Variants in AGBL4 observed in about 807,000 individuals in gnomAD.
The protein encoded by AGBL4 is AGBL carboxypeptidase 4.
Under a neutral mutation model 66.4 loss-of-function variants are expected in AGBL4, and 58 were observed. The observed-to-expected ratio is 0.87, with a 90% confidence interval of 0.71 to 1.09. The LOEUF is 1.09. Among genes scored for constraint, AGBL4 ranks in the 50% least tolerant of loss-of-function variants. The pLI is 0.00. For missense variants in AGBL4, 579 were observed against 631.0 expected (o/e 0.92, Z 0.88); for synonymous variants, 234 against 222.9 (o/e 1.05, Z -0.44).
Position 49,524,832 on chromosome 1 carries a change from A to G in AGBL4, c.282+172481T>C, listed in dbSNP as rs551232910. Among the ~76,000 whole-genome samples, 15 of 152,112 alleles carry G rather than the reference A, an allele frequency of 9.9e-5. No homozygotes were observed. The South Asian group carries it at 2.9e-3, about 29-fold the overall frequency. On this transcript the variant is annotated intron_variant, in intron 3 of 13. Transcript: ENST00000371839. ...CCTTATAACCACTGATATCACTCCTACTAATGCGTGAACCCCTTATGAATA... is the reference window on the plus strand; with the variant it reads ...CCTTATAACCACTGATATCACTCCTGCTAATGCGTGAACCCCTTATGAATA...
chr1:48,714,421 CCTTCTA>C (rs1428354048), intron 6 of AGBL4, among the ~76,000 whole-genome samples: 4 of 152,228 alleles, frequency 2.6e-5, no homozygotes, highest in Non-Finnish European at 4.4e-5. Flanking sequence ...CCTTTTCTCA[CCTTCTA>C]CTTCTAATCA....
At chr1:48,948,314 C>T (rs1277887546) in intron 5 of AGBL4, among the ~76,000 whole-genome samples, 1 of 152,216 alleles carries the variant, frequency 6.6e-6, no homozygotes, top group African/African-American at 2.4e-5. Flanking sequence ...TCTCCCTTTG[C>T]TCTTGCTTCC....
chr1:49,276,996 C>T (rs1281492449), intron 3 of AGBL4, among the ~76,000 whole-genome samples: 1 of 151,578 alleles, frequency 6.6e-6, no homozygotes, highest in Non-Finnish European at 1.5e-5. Flanking sequence ...AAAGGATATA[C>T]TATTTAATGT....
intron 6 of AGBL4, among the ~76,000 whole-genome samples, chr1:48,692,670 AGGTGATCCAGG>A (rs777797060): frequency 6.6e-6 from 1 of 152,192 alleles, no homozygotes; most frequent in Admixed American, 6.5e-5. Flanking sequence ...TTGTCTATAC[AGGTGATCCAGG>A]GGTGATCCAG....
intron 3 of AGBL4, among the ~76,000 whole-genome samples, chr1:49,316,070 C>T (rs924906979): frequency 2.0e-5 from 3 of 151,818 alleles, no homozygotes; most frequent in Admixed American, 6.6e-5. Context: ...AAAACTATGA[C>T]AGTAAGATCA....
chr1:49,400,513 A>T (rs1645062121), intron 3 of AGBL4, among the ~76,000 whole-genome samples: 1 of 152,170 alleles, frequency 6.6e-6, no homozygotes, highest in African/African-American at 2.4e-5. Context: ...CAATTCATAA[A>T]CATGGAATAT....
chr1:48,615,398 C>T (rs531040636), intron 9 of AGBL4, among the ~76,000 whole-genome samples: 1 of 152,092 alleles, frequency 6.6e-6, no homozygotes, highest in Non-Finnish European at 1.5e-5. Context: ...GCCTCCTCCC[C>T]ATAGGAGAGT....
intron 1 of AGBL4, among the ~76,000 whole-genome samples, chr1:49,862,972 G>C (rs1646611255): frequency 6.6e-6 from 1 of 152,002 alleles, no homozygotes. Context: ...AAAACTCAAT[G>C]GTAATAGTAA....
At chr1:48,990,021 C>T (rs1439199304) in intron 5 of AGBL4, among the ~76,000 whole-genome samples, 2 of 152,138 alleles carry the variant, frequency 1.3e-5, no homozygotes, top group African/African-American at 2.4e-5. Flanking sequence ...ATTCTCTGTT[C>T]TCCACATCCT....
chr1:50,014,769 C>T (rs1396366460), intron 1 of AGBL4, among the ~76,000 whole-genome samples: 1 of 152,046 alleles, frequency 6.6e-6, no homozygotes, highest in Non-Finnish European at 1.5e-5. Context: ...AGGTGATCCA[C>T]CTGCCTTGGC....
chr1:48,566,264 C>A (rs1167664694), intron 11 of AGBL4, among the ~76,000 whole-genome samples: 2 of 152,182 alleles, frequency 1.3e-5, no homozygotes, highest in African/African-American at 4.8e-5. Context: ...TTCATCATGA[C>A]CCACTCTTCA....
intron 1 of AGBL4, among the ~76,000 whole-genome samples, chr1:49,944,659 C>T (rs1259346008): frequency 6.6e-6 from 1 of 151,334 alleles, no homozygotes; most frequent in Non-Finnish European, 1.5e-5. Flanking sequence ...TCTTTAACAC[C>T]CAAAAAAAAA....
intron 3 of AGBL4, among the ~76,000 whole-genome samples, chr1:49,255,620 TAA>T (rs1194870875): frequency 1.3e-5 from 2 of 152,162 alleles, no homozygotes; most frequent in African/African-American, 4.8e-5. Flanking sequence ...CTCAAAAACC[TAA>T]AGACAGAAAT....
In AGBL4 at chr1:49,387,146, T is replaced by G. The variant is rs1318213781; in HGVS notation, c.283-141282A>C. 7.2e-5 allele frequency among the ~76,000 whole-genome samples: 11 copies of G among 151,918 alleles called. 1 individual carries two copies. The highest frequency in any genetic ancestry group is 1.2e-4 in the Non-Finnish European group (8 of 67,822). ...TGTGACCTTAGGCAAATAACTTGACTTTTTCAAGTTTCAGTTTTCTTGTGT... is the reference window on the plus strand; with the variant it reads ...TGTGACCTTAGGCAAATAACTTGACGTTTTCAAGTTTCAGTTTTCTTGTGT... On this transcript the variant is annotated intron_variant, in intron 3 of 13. Transcript: ENST00000371839.
At chr1:48,795,940 C>T (rs913773855) in intron 6 of AGBL4, among the ~76,000 whole-genome samples, 3 of 152,234 alleles carry the variant, frequency 2.0e-5, no homozygotes, top group African/African-American at 7.2e-5. Context: ...AGGCGTGAGC[C>T]ACTGTGCCTG....
At chr1:49,673,781 A>G (rs1646526623) in intron 3 of AGBL4, among the ~76,000 whole-genome samples, 1 of 152,082 alleles carries the variant, frequency 6.6e-6, no homozygotes, top group Non-Finnish European at 1.5e-5. Context: ...AAGCTCACAG[A>G]TCAGTGAGAA....
chr1:49,488,507 T>C (rs1647116689), intron 3 of AGBL4, among the ~76,000 whole-genome samples: 1 of 151,782 alleles, frequency 6.6e-6, no homozygotes, highest in Non-Finnish European at 1.5e-5. Flanking sequence ...AAGTGGGTTA[T>C]CCATCACCTC....
intron 5 of AGBL4, among the ~76,000 whole-genome samples, chr1:49,038,003 CAATACTTA>C (rs1354862330): frequency 6.6e-6 from 1 of 152,034 alleles, no homozygotes; most frequent in African/African-American, 2.4e-5. Flanking sequence ...TGGGAGAAGA[CAATACTTA>C]CATATCTCAG....
chr1:49,297,349 A>C (rs192363109), intron 3 of AGBL4, among the ~76,000 whole-genome samples: 5 of 152,352 alleles, frequency 3.3e-5, no homozygotes, highest in Non-Finnish European at 5.9e-5. Context: ...GGGAGGAGAA[A>C]GTTACAGACA....
Sources: allele counts gnomAD v4.1 joint callset (sites outside exome capture counted in the v4.1 genomes callset), GRCh38; gene constraint gnomAD v4.1.1; transcripts MANE v1.5; gene names NCBI Gene and HGNC (gene_info 2026-07-23, HGNC 2026-07-21).